MYO16: variants seen among roughly 807,000 people sequenced by gnomAD.
MYO16 encodes the protein myosin XVI, also known as unconventional myosin-XVI.
A neutral mutation model predicts 205.3 loss-of-function variants in MYO16; 94 were observed. The observed-to-expected ratio is 0.46, with a 90% CI of 0.39 to 0.54. MYO16 has a LOEUF of 0.54. MYO16 is among the 20% of genes least tolerant of loss of function. The pLI, the probability that MYO16 is intolerant of heterozygous loss-of-function variation, is 0.00. For synonymous variants in MYO16, 988 were observed against 954.0 expected, an observed-to-expected ratio of 1.04 and a Z score of -0.66; for missense variants, 2,315 against 2,387.5, an observed-to-expected ratio of 0.97 and a Z score of 0.63.
rs138338598 is a variant in MYO16 at position 109,145,418 on chromosome 13, C to T, written c.5164+4042C>T. Among the ~76,000 whole-genome samples the T allele has an allele frequency of 3.0e-4, 46 of 151,750 alleles. 1 individual carries two copies. In the East Asian group the frequency reaches 4.5e-3, roughly 15 times the overall value. ...TTAATATTTGTTCACTGAGGGGCAA[C>T]GAGTAATAGTCATAAGAGTTTAGTT... On this transcript the variant is annotated intron_variant, in intron 32 of 34. Coordinates refer to ENST00000457511, the MANE Select transcript of MYO16 (RefSeq NM_001198950.3).
the MYO16 span, among the ~76,000 whole-genome samples, chr13:108,520,949 G>A: frequency 0.05 from 7,658 of 152,222 alleles, 274 homozygotes; most frequent in Middle Eastern, 0.13. Flanking sequence ...CATCTTCCAC[G>A]TGTTCTTTCC....
intron 27 of MYO16, among the ~76,000 whole-genome samples, chr13:109,096,551 G>T (rs775158243): frequency 1.3e-5 from 2 of 152,174 alleles, no homozygotes; most frequent in Admixed American, 6.5e-5. Context: ...AAAGACGATT[G>T]TCATCCAGGC....
At chr13:109,075,177 A>C (rs1421801638) in intron 27 of MYO16, among the ~76,000 whole-genome samples, 2 of 152,216 alleles carry the variant, frequency 1.3e-5, no homozygotes, top group African/African-American at 4.8e-5. Flanking sequence ...TTATATAGAC[A>C]TGTTCTCACT....
chr13:108,547,189 A>G, the MYO16 span, among the ~76,000 whole-genome samples: 3 of 151,268 alleles, frequency 2.0e-5, no homozygotes, highest in Admixed American at 1.3e-4. Context: ...GGAGCATGGC[A>G]TGAACCTGGG....
Position 108,642,528 on chromosome 13 carries a change from A to C in MYO16, c.28+12656A>C, listed in dbSNP as rs2038938. Among the ~76,000 whole-genome samples, 29 of 152,124 alleles carry C rather than the reference A, an allele frequency of 1.9e-4. No individual in the cohort carries two copies. The South Asian group carries it at 6.0e-3, about 32-fold the overall frequency. ...CGTGACCTTGGTTCAAGCGATTGTC[A>C]TGCCTCAGCCTCCCGAGTAGCTGAG... On this transcript the variant is annotated intron_variant, in intron 1 of 34. Coordinates refer to ENST00000457511, the MANE Select transcript of MYO16 (RefSeq NM_001198950.3).
chr13:108,770,022 T>C (rs1472482943), intron 4 of MYO16, among the ~76,000 whole-genome samples: 3 of 151,674 alleles, frequency 2.0e-5, no homozygotes, highest in Non-Finnish European at 2.9e-5. Context: ...ATAAAATGGC[T>C]AAGTGAATTG....
intron 4 of MYO16, among the ~76,000 whole-genome samples, chr13:108,774,082 C>T (rs1303431514): frequency 6.6e-6 from 1 of 151,596 alleles, no homozygotes; most frequent in African/African-American, 2.4e-5. Context: ...CAGAGCGAGA[C>T]TCTGTCTCAA....
At chr13:108,946,737 A>C (rs1195333304) in intron 16 of MYO16, among the ~76,000 whole-genome samples, 2 of 152,092 alleles carry the variant, frequency 1.3e-5, no homozygotes, top group African/African-American at 4.8e-5. Context: ...ATACAGAGAT[A>C]GAGATGGATT....
At chr13:109,007,482 A>G (rs143975297) in intron 21 of MYO16, among the ~76,000 whole-genome samples, 2 of 151,602 alleles carry the variant, frequency 1.3e-5, no homozygotes, top group East Asian at 3.9e-4. Context: ...GTTTTATTAG[A>G]GTGGTTTCAA....
intron 27 of MYO16, among the ~76,000 whole-genome samples, chr13:109,066,005 T>A (rs1336185492): frequency 6.6e-6 from 1 of 152,184 alleles, no homozygotes; most frequent in Non-Finnish European, 1.5e-5. Flanking sequence ...TTTAGATTGT[T>A]ACTGGATGAA....
chr13:108,918,786 A>T (rs948043590), intron 16 of MYO16, among the ~76,000 whole-genome samples: 8 of 152,118 alleles, frequency 5.3e-5, no homozygotes, highest in Non-Finnish European at 1.2e-4. Flanking sequence ...TAAAAATACA[A>T]AAATTAGCCA....
intron 16 of MYO16, among the ~76,000 whole-genome samples, chr13:108,925,667 A>C (rs1881967374): frequency 1.3e-5 from 2 of 152,130 alleles, no homozygotes; most frequent in African/African-American, 4.8e-5. Context: ...ACACCAGCCC[A>C]TCGGCAAGTC....
At chr13:108,993,049 C>G (rs560035392) in intron 21 of MYO16, among the ~76,000 whole-genome samples, 22 of 152,148 alleles carry the variant, frequency 1.4e-4, no homozygotes, top group African/African-American at 4.8e-4. Flanking sequence ...ATACAACTCT[C>G]CTTATCAAAC....
chr13:108,543,891 C>T, the MYO16 span, among the ~76,000 whole-genome samples: 4 of 150,234 alleles, frequency 2.7e-5, no homozygotes, highest in Admixed American at 1.3e-4. Context: ...CATGGAGAAA[C>T]CCCCTCTCTA....
At chr13:109,114,032 G>T (rs879395917) in intron 28 of MYO16, among the ~76,000 whole-genome samples, 14 of 152,206 alleles carry the variant, frequency 9.2e-5, no homozygotes, top group Non-Finnish European at 1.3e-4. Flanking sequence ...ATGATGAAAA[G>T]TAAGAGGAGA....
rs895768107 is a variant in MYO16 at position 108,746,161 on chromosome 13, C to A, written c.507+18578C>A. On this transcript the variant is annotated intron_variant, in intron 4 of 34. Transcript: ENST00000457511. ...TGAGCCGAGATTGTGCCACTGCACT[C>A]CAGCCTGGGCTACGGAGCGAGACTC... 2.6e-5 allele frequency among the ~76,000 whole-genome samples: 4 copies of A among 151,864 alleles called. No homozygotes were observed. In the East Asian group the frequency reaches 7.7e-4, roughly 29 times the overall value.
chr13:109,104,441 C>T (rs964174380), intron 28 of MYO16, among the ~76,000 whole-genome samples: 1 of 151,892 alleles, frequency 6.6e-6, no homozygotes, highest in Admixed American at 6.6e-5. Context: ...TCAACCCAAA[C>T]TGTCAATCAA....
intron 4 of MYO16, among the ~76,000 whole-genome samples, chr13:108,747,656 C>T (rs780400946): frequency 2.6e-5 from 4 of 152,040 alleles, no homozygotes; most frequent in Non-Finnish European, 4.4e-5. Context: ...GAAATAGTTA[C>T]AAACACACAG....
At chr13:108,589,006 C>T in the MYO16 span, among the ~76,000 whole-genome samples, 1 of 152,058 alleles carries the variant, frequency 6.6e-6, no homozygotes, top group East Asian at 1.9e-4. Flanking sequence ...AATGAGTACT[C>T]CTTTCTATGT....
Sources: gnomAD v4.1 joint callset for allele counts (sites outside exome capture counted in the v4.1 genomes callset) on GRCh38, gnomAD v4.1.1 for gene constraint, MANE v1.5 for transcripts, NCBI Gene and HGNC (gene_info 2026-07-23, HGNC 2026-07-21) for gene names.